The following GRM5 variants were observed in gnomAD, a reference collection of about 807,000 sequenced individuals.
GRM5 encodes glutamate metabotropic receptor 5.
A neutral mutation model predicts 83.1 loss-of-function variants in GRM5; 19 were observed. The observed-to-expected ratio is 0.23, with a 90% CI of 0.16 to 0.34. The LOEUF is 0.34. GRM5 is among the 10% of genes least tolerant of loss of function. GRM5 has a pLI of 1.00. For synonymous variants in GRM5, 675 were observed against 633.6 expected, an observed-to-expected ratio of 1.07 and a Z score of -0.98; for missense variants, 1,160 against 1,588.3, an observed-to-expected ratio of 0.73 and a Z score of 4.58.
intron 2 of GRM5, among the ~76,000 whole-genome samples, chr11:88,928,907 T>TATATACACACACACAC (rs369951090): frequency 7.2e-6 from 1 of 138,672 alleles, no homozygotes; most frequent in East Asian, 2.1e-4. Context: ...TATGTGTATA[T>TATATACACACACACAC]ACACACACAC....
intron 2 of GRM5, among the ~76,000 whole-genome samples, chr11:89,029,121 T>TA (rs1311779641): frequency 6.6e-6 from 1 of 152,246 alleles, no homozygotes; most frequent in Non-Finnish European, 1.5e-5. Flanking sequence ...TCATCTTTTT[T>TA]ATGCCTGCAT....
intron 3 of GRM5, among the ~76,000 whole-genome samples, chr11:88,810,732 T>G: frequency 6.6e-6 from 1 of 152,254 alleles, no homozygotes; most frequent in Admixed American, 6.5e-5. Context: ...AATTGTGAAG[T>G]ATAAATATGT....
intron 3 of GRM5, among the ~76,000 whole-genome samples, chr11:88,680,788 T>C (rs761991483): frequency 2.6e-5 from 4 of 152,188 alleles, no homozygotes; most frequent in Non-Finnish European, 5.9e-5. Flanking sequence ...TTCTATTACA[T>C]CACCCTTATT....
chr11:88,547,983 G>T (rs1399241607), intron 8 of GRM5, among the ~76,000 whole-genome samples: 3 of 152,182 alleles, frequency 2.0e-5, no homozygotes, highest in Non-Finnish European at 1.5e-5. Context: ...AAAATGCCTT[G>T]TGGGAGGTGG....
intron 2 of GRM5, among the ~76,000 whole-genome samples, chr11:88,995,371 C>G (rs978066413): frequency 1.3e-5 from 2 of 151,400 alleles, no homozygotes; most frequent in African/African-American, 4.9e-5. Flanking sequence ...ATGATGAAAC[C>G]CCATCTCTAC....
intron 2 of GRM5, among the ~76,000 whole-genome samples, chr11:88,928,571 A>T (rs1279572526): frequency 6.6e-6 from 1 of 151,666 alleles, no homozygotes; most frequent in Non-Finnish European, 1.5e-5. Flanking sequence ...GCATTTTAAA[A>T]TATCCTTAAA....
intron 2 of GRM5, among the ~76,000 whole-genome samples, chr11:88,863,480 A>G (rs564429822): frequency 4.9e-4 from 75 of 152,242 alleles, no homozygotes; most frequent in African/African-American, 1.5e-3. Flanking sequence ...ACTAAGCTGG[A>G]AGCCATTATC....
intron 2 of GRM5, among the ~76,000 whole-genome samples, chr11:88,989,444 C>T (rs989628810): frequency 2.7e-5 from 3 of 111,944 alleles, no homozygotes; most frequent in African/African-American, 9.0e-5. Flanking sequence ...CAACATTAGA[C>T]AGATCAACAA....
chr11:88,688,272 A>C (rs773573807), intron 3 of GRM5, among the ~76,000 whole-genome samples: 1 of 152,222 alleles, frequency 6.6e-6, no homozygotes, highest in Non-Finnish European at 1.5e-5. Flanking sequence ...TTTACATTTT[A>C]ACAACTAGTT....
In GRM5 at chr11:88,930,102, T is replaced by C. The variant is rs1937654783; in HGVS notation, c.662-79947A>G. On this transcript the variant is annotated intron_variant, in intron 2 of 9. Coordinates refer to ENST00000305447, the MANE Select transcript of GRM5 (RefSeq NM_001143831.3). ...CAAAAAAGGAGCATCTGTCTTAATG[T>C]AAGTAAAGAAAAGTGATAAAAAATA... 2.0e-5 allele frequency among the ~76,000 whole-genome samples: 3 copies of C among 152,056 alleles called. No homozygotes were observed. The South Asian group carries it at 6.2e-4, about 31-fold the overall frequency.
At chr11:88,798,805 C>CA (rs4002396) in intron 3 of GRM5, among the ~76,000 whole-genome samples, 1,429 of 55,336 alleles carry the variant, frequency 0.026, 32 homozygotes, top group East Asian at 0.089. Context: ...ATGAAAACAC[C>CA]AAAAAAAAAA....
At chr11:88,851,442 G>C (rs1944388485) in intron 2 of GRM5, among the ~76,000 whole-genome samples, 1 of 152,026 alleles carries the variant, frequency 6.6e-6, no homozygotes, top group African/African-American at 2.4e-5. Flanking sequence ...AGTTGCATAG[G>C]GTTCACTACA....
intron 3 of GRM5, among the ~76,000 whole-genome samples, chr11:88,736,244 G>A (rs554758425): frequency 1.2e-4 from 19 of 152,038 alleles, no homozygotes; most frequent in Non-Finnish European, 2.4e-4. Flanking sequence ...TGAAAGTAAC[G>A]GATGCCTAAT....
intron 2 of GRM5, among the ~76,000 whole-genome samples, chr11:88,966,916 G>T (rs1439632009): frequency 2.6e-5 from 4 of 152,172 alleles, no homozygotes; most frequent in African/African-American, 7.2e-5. Context: ...TTAGCAGTGT[G>T]TATGGCCCTC....
chr11:88,696,451 A>G (rs1472993835), intron 3 of GRM5, among the ~76,000 whole-genome samples: 1 of 151,984 alleles, frequency 6.6e-6, no homozygotes, highest in East Asian at 1.9e-4. Context: ...ACCCTTCTCT[A>G]CCCAGCACTT....
Position 88,508,603 on chromosome 11 carries a change from AGGAGCTCTGAGTGTAATCTCTTAT to A in GRM5, c.3604_3627del (p.Ile1202_Ser1209del). 1 of 1,607,938 alleles carries A rather than the reference AGGAGCTCTGAGTGTAATCTCTTAT, an allele frequency of 6.2e-7. No individual in the cohort carries two copies. Among genetic ancestry groups the A allele is most frequent in the Non-Finnish European group, 8.5e-7 (1 of 1,176,986 alleles). ...CTTTCCAGGGACATTCACAACGACG[AGGAGCTCTGAGTGTAATCTCTTAT>A]GATAAGAGTGTCATATTTGGGAGAC... On this transcript the variant is annotated inframe_deletion, in exon 10 of 10. Coordinates refer to ENST00000305447, the MANE Select transcript of GRM5 (RefSeq NM_001143831.3). This position sits in a 1 kb window ranked among gnomAD's most constrained non-coding sequence, Gnocchi z 4.2.
rs145413799 is a variant in GRM5, at chr11:88,884,752, G to C, written c.662-34597C>G. ...GTAGTGAATAAATCTTATGAGAGCT[G>C]ATGGTTTTATAAAGGGGAGTTCCCC... is the stretch of plus-strand genomic sequence containing the variant. On this transcript the variant is annotated intron_variant, in intron 2 of 9. Transcript: ENST00000305447. 3.3e-3 allele frequency among the ~76,000 whole-genome samples: 507 copies of C among 152,228 alleles called. 1 individual carries two copies. Among genetic ancestry groups the C allele is most frequent in the African/African-American group, 0.012 (488 of 41,532 alleles).
intron 2 of GRM5, among the ~76,000 whole-genome samples, chr11:88,993,056 A>T (rs12293858): frequency 0.44 from 65,660 of 150,126 alleles, 15,844 homozygotes; most frequent in South Asian, 0.65. Context: ...AAAAATAAAT[A>T]AAAAAAAAGA....
At chr11:88,608,233 A>G (rs1938213128) in intron 4 of GRM5, among the ~76,000 whole-genome samples, 1 of 152,080 alleles carries the variant, frequency 6.6e-6, no homozygotes, top group Admixed American at 6.5e-5. Context: ...CTGTCACACA[A>G]GTTGGTAACC....
Sources: allele counts gnomAD v4.1 joint callset (sites outside exome capture counted in the v4.1 genomes callset), GRCh38; gene constraint gnomAD v4.1.1; non-coding constraint Gnocchi (gnomAD v3.1); transcripts MANE v1.5; gene names NCBI Gene and HGNC (gene_info 2026-07-23, HGNC 2026-07-21).